The following BMP5 variants were observed in gnomAD, a reference collection of about 807,000 sequenced individuals.
BMP5 encodes the protein bone morphogenetic protein 5.
Under a neutral mutation model 46.6 loss-of-function variants are expected in BMP5, and 23 were observed. The observed-to-expected ratio is 0.49, with a 90% CI of 0.35 to 0.70. The LOEUF is 0.70. Ranked by LOEUF, BMP5 falls within the 30% of genes least tolerant of loss-of-function variation. The pLI, the probability that BMP5 is intolerant of heterozygous loss-of-function variation, is 0.00. For synonymous variants in BMP5, 204 were observed against 191.9 expected, an observed-to-expected ratio of 1.06 and a Z score of -0.52; for missense variants, 545 against 565.6, an observed-to-expected ratio of 0.96 and a Z score of 0.37.
At chr6:55,865,680 A>G (rs144374829) in intron 1 of BMP5, among the ~76,000 whole-genome samples, 1 of 152,332 alleles carries the variant, frequency 6.6e-6, no homozygotes, top group African/African-American at 2.4e-5. Flanking sequence ...TTGTAGGCTG[A>G]ATGTAGATTT....
chr6:55,775,001 G>C (rs769910555), intron 3 of BMP5, among the ~76,000 whole-genome samples: 33 of 151,920 alleles, frequency 2.2e-4, no homozygotes, highest in Admixed American at 6.6e-4. Flanking sequence ...GGCAAACCAA[G>C]CCTGGAGACT....
In BMP5 at chr6:55,755,486, A is replaced by G. The variant is rs772214270; in HGVS notation, c.*47T>C. ...TGAAAGTATGCTTTTTATTGCAGCCATAAACCTTAATACAGATCTTTTTGT... is the reference window on the plus strand; with the variant it reads ...TGAAAGTATGCTTTTTATTGCAGCCGTAAACCTTAATACAGATCTTTTTGT... On this transcript the variant is annotated 3_prime_UTR_variant, in exon 7 of 7. Coordinates refer to ENST00000370830, the MANE Select transcript of BMP5 (RefSeq NM_021073.4). 5 of 1,558,946 alleles carry G rather than the reference A, an allele frequency of 3.2e-6. No individual in the cohort carries two copies. The highest frequency in any genetic ancestry group is 4.4e-6 in the Non-Finnish European group (5 of 1,137,454).
chr6:55,817,613 G>T (rs915306367), intron 2 of BMP5, among the ~76,000 whole-genome samples: 22 of 152,032 alleles, frequency 1.4e-4, no homozygotes, highest in Non-Finnish European at 2.8e-4. Flanking sequence ...GGTGGGAGGA[G>T]GGGGGAGGGA....
At chr6:55,824,571 A>G (rs1776486026) in intron 1 of BMP5, among the ~76,000 whole-genome samples, 1 of 151,950 alleles carries the variant, frequency 6.6e-6, no homozygotes, top group African/African-American at 2.4e-5. Flanking sequence ...TTTAAGCCAG[A>G]CCCAGACTTG....
rs763130839 is a variant in BMP5 at position 55,874,597 on chromosome 6, T to C, written c.269A>G (p.Asn90Ser). 1.3e-5 allele frequency: 21 copies of C among 1,613,476 alleles called. No individual in the cohort carries two copies. In the South Asian group the frequency reaches 2.0e-4, roughly 15 times the overall value. ...FMLDLYNAMT[N>S]EENPEESEYS... The stretch of plus-strand genomic sequence containing the variant: ...CTCCGACTCTTCAGGATTTTCTTCA[T>C]TGGTCATGGCATTGTAGAGATCCAG... Residue 90 changes from asparagine (N) to serine (S), a missense_variant, in exon 1 of 7, where the codon AAT (asparagine) becomes AGT (serine). By Grantham distance (46) the Asn-to-Ser change is conservative. Coordinates refer to ENST00000370830, the MANE Select transcript of BMP5 (RefSeq NM_021073.4).
At chr6:55,816,723 T>TG (rs773902846) in intron 2 of BMP5, among the ~76,000 whole-genome samples, 8 of 152,096 alleles carry the variant, frequency 5.3e-5, no homozygotes, top group Non-Finnish European at 1.2e-4. Flanking sequence ...CCATAGGATA[T>TG]TAATAAGTAC....
At chr6:55,788,230 G>A (rs1775494612) in intron 3 of BMP5, among the ~76,000 whole-genome samples, 1 of 151,544 alleles carries the variant, frequency 6.6e-6, no homozygotes, top group Non-Finnish European at 1.5e-5. Flanking sequence ...ATTACGAAAA[G>A]CTTGTTTCCC....
chr6:55,866,795 T>C (rs73450212), intron 1 of BMP5, among the ~76,000 whole-genome samples: 2,178 of 152,276 alleles, frequency 0.014, 50 homozygotes, highest in African/African-American at 0.048. Context: ...TTGACCCATG[T>C]ACAATTTAAG....
intron 1 of BMP5, among the ~76,000 whole-genome samples, chr6:55,845,324 A>G (rs757504910): frequency 1.3e-5 from 2 of 152,062 alleles, no homozygotes; most frequent in Non-Finnish European, 2.9e-5. Context: ...CATACAAATT[A>G]CTTGACATCT....
chr6:55,796,071 A>G (rs1414073930), intron 2 of BMP5, among the ~76,000 whole-genome samples: 1 of 152,160 alleles, frequency 6.6e-6, no homozygotes, highest in African/African-American at 2.4e-5. Context: ...TATCTCTGAG[A>G]CCTTAATCTT....
chr6:55,777,106 C>A (rs1458610012), intron 3 of BMP5, among the ~76,000 whole-genome samples: 1 of 151,856 alleles, frequency 6.6e-6, no homozygotes, highest in Non-Finnish European at 1.5e-5. Flanking sequence ...AATGCTTGCT[C>A]AGTTACCCTT....
At chr6:55,812,475 G>T (rs761480320) in intron 2 of BMP5, among the ~76,000 whole-genome samples, 5 of 152,126 alleles carry the variant, frequency 3.3e-5, no homozygotes, top group Non-Finnish European at 7.4e-5. Context: ...ACTGTGTCTT[G>T]AATATAAAAC....
chr6:55,864,014 A>G (rs1457698633), intron 1 of BMP5, among the ~76,000 whole-genome samples: 2 of 152,166 alleles, frequency 1.3e-5, no homozygotes, highest in East Asian at 3.9e-4. Flanking sequence ...TTAAAGATGC[A>G]TAACCGTGAA....
At chr6:55,792,565 C>T (rs1775598712) in intron 3 of BMP5, among the ~76,000 whole-genome samples, 1 of 148,968 alleles carries the variant, frequency 6.7e-6, no homozygotes, top group African/African-American at 2.5e-5. Context: ...AGATTTGAGA[C>T]ACATAAAACA....
chr6:55,837,503 T>C (rs571899776), intron 1 of BMP5, among the ~76,000 whole-genome samples: 1 of 152,248 alleles, frequency 6.6e-6, no homozygotes, highest in South Asian at 2.1e-4. Context: ...ATTTTTTAAA[T>C]TTTTTTATTT....
At chr6:55,795,963 T>A (rs187801150) in intron 2 of BMP5, among the ~76,000 whole-genome samples, 31 of 152,286 alleles carry the variant, frequency 2.0e-4, no homozygotes, top group Non-Finnish European at 4.3e-4. Flanking sequence ...TGATAGCAGG[T>A]CAGTTAAATT....
At chr6:55,814,246 G>A (rs1023068055) in intron 2 of BMP5, among the ~76,000 whole-genome samples, 1 of 151,894 alleles carries the variant, frequency 6.6e-6, no homozygotes, top group African/African-American at 2.4e-5. Context: ...ATAAAGGTAG[G>A]TGTCAGAAAA....
At chr6:55,815,271 A>G (rs905490405) in intron 2 of BMP5, among the ~76,000 whole-genome samples, 1 of 152,180 alleles carries the variant, frequency 6.6e-6, no homozygotes, top group Non-Finnish European at 1.5e-5. Flanking sequence ...ATATACTATA[A>G]CCCTAGAAGA....
chr6:55,862,396 C>A (rs1013039379), intron 1 of BMP5, among the ~76,000 whole-genome samples: 8 of 152,082 alleles, frequency 5.3e-5, no homozygotes, highest in Admixed American at 3.9e-4. Context: ...TCAGAATCCC[C>A]TTTTATTTCA....
Sources: allele counts gnomAD v4.1 joint callset (sites outside exome capture counted in the v4.1 genomes callset), GRCh38; gene constraint gnomAD v4.1.1; transcripts MANE v1.5; gene names NCBI Gene and HGNC (gene_info 2026-07-23, HGNC 2026-07-21).